Variants in SDK1 observed in about 807,000 individuals in gnomAD.
SDK1 encodes the protein sidekick cell adhesion molecule 1, also known as protein sidekick-1.
In SDK1, 157 loss-of-function variants were observed where a neutral mutation model predicts 245.5. That is an observed-to-expected ratio of 0.64 (90% CI 0.56 to 0.73). The LOEUF (loss-of-function observed/expected upper bound fraction) is 0.73, where lower values mean the gene tolerates loss of function less well. Among genes scored for constraint, SDK1 ranks in the 30% least tolerant of loss-of-function variants. SDK1 has a pLI of 0.00. For synonymous variants in SDK1, 1,647 were observed against 1,278.5 expected, an observed-to-expected ratio of 1.29 and a Z score of -6.15; for missense variants, 3,583 against 3,002.3, an observed-to-expected ratio of 1.19 and a Z score of -4.52.
chr7:3,538,465 T>A lies in SDK1; in HGVS notation c.299-80615T>A, dbSNP rs561378979. Reference sequence around the variant, plus strand: ...TCTGAGGCAAGTTCAGAAATCTGAATTTCCTTATTTACCGTGAATCAATGT... The same window carrying A: ...TCTGAGGCAAGTTCAGAAATCTGAAATTCCTTATTTACCGTGAATCAATGT... On this transcript the variant is annotated intron_variant, in intron 1 of 44. Transcript: ENST00000404826. 9.8e-5 allele frequency among the ~76,000 whole-genome samples: 15 copies of A among 152,338 alleles called. No homozygotes were observed. In the South Asian group the frequency reaches 2.7e-3, roughly 27 times the overall value.
intron 4 of SDK1, among the ~76,000 whole-genome samples, chr7:3,720,087 A>G (rs1785321689): frequency 6.6e-6 from 1 of 152,078 alleles, no homozygotes; most frequent in Admixed American, 6.6e-5. Context: ...CAAAAATAAA[A>G]TCTTATCACA....
chr7:3,438,748 C>T (rs1261706903), intron 1 of SDK1, among the ~76,000 whole-genome samples: 1 of 152,098 alleles, frequency 6.6e-6, no homozygotes, highest in African/African-American at 2.4e-5. Context: ...GAATCTTCTC[C>T]TTTCACTTCA....
chr7:4,216,404 C>A (rs1784798751), intron 38 of SDK1, among the ~76,000 whole-genome samples: 1 of 152,194 alleles, frequency 6.6e-6, no homozygotes, highest in African/African-American at 2.4e-5. Flanking sequence ...TCTGCTCCTC[C>A]CCGAGGCCCC....
intron 8 of SDK1, among the ~76,000 whole-genome samples, chr7:3,960,443 A>G (rs1374884875): frequency 6.6e-6 from 1 of 152,222 alleles, no homozygotes; most frequent in Non-Finnish European, 1.5e-5. Context: ...ATTTGTCCAT[A>G]CCTGCAACTG....
At chr7:3,361,772 C>T (rs936555989) in intron 1 of SDK1, among the ~76,000 whole-genome samples, 1 of 152,110 alleles carries the variant, frequency 6.6e-6, no homozygotes, top group Non-Finnish European at 1.5e-5. Flanking sequence ...GTTCCATGCA[C>T]AGTATTGGTG....
At chr7:3,608,819 C>T (rs1011474400) in intron 1 of SDK1, among the ~76,000 whole-genome samples, 1 of 152,224 alleles carries the variant, frequency 6.6e-6, no homozygotes, top group Non-Finnish European at 1.5e-5. Flanking sequence ...ATGAAACTGA[C>T]ACTTGTTTAG....
At chr7:3,824,882 A>C (rs1007691211) in intron 5 of SDK1, among the ~76,000 whole-genome samples, 1 of 152,130 alleles carries the variant, frequency 6.6e-6, no homozygotes, top group Non-Finnish European at 1.5e-5. Flanking sequence ...TTATCTCTCA[A>C]CATTTCTCCC....
chr7:3,623,894 T>C (rs1201857240), intron 2 of SDK1, among the ~76,000 whole-genome samples: 3 of 152,170 alleles, frequency 2.0e-5, no homozygotes, highest in Admixed American at 6.5e-5. Context: ...AATATAAAAA[T>C]AGAAATTTGA....
At chr7:4,070,523 G>C (rs1408828884) in intron 20 of SDK1, among the ~76,000 whole-genome samples, 1 of 152,108 alleles carries the variant, frequency 6.6e-6, no homozygotes, top group Non-Finnish European at 1.5e-5. Flanking sequence ...GGCACAGTGG[G>C]AGACTGTGTT....
At chr7:3,675,210 A>G (rs1783854002) in intron 4 of SDK1, among the ~76,000 whole-genome samples, 1 of 152,174 alleles carries the variant, frequency 6.6e-6, no homozygotes, top group South Asian at 2.1e-4. Flanking sequence ...TCAGGCCAAA[A>G]CCTTGATCTT....
At chr7:3,530,302 G>C (rs778594976) in intron 1 of SDK1, among the ~76,000 whole-genome samples, 4 of 152,090 alleles carry the variant, frequency 2.6e-5, no homozygotes, top group Admixed American at 1.3e-4. Flanking sequence ...ATCATCTGTG[G>C]TATCCTTCAC....
chr7:3,863,258 T>C (rs966893067), intron 5 of SDK1, among the ~76,000 whole-genome samples: 2 of 152,148 alleles, frequency 1.3e-5, no homozygotes, highest in African/African-American at 4.8e-5. Context: ...CCTGGGTTCC[T>C]TACCTCTCCC....
rs549557145 is a variant in SDK1, at chr7:3,395,680, A to C, written c.298+93796A>C. On this transcript the variant is annotated intron_variant, in intron 1 of 44. Transcript: ENST00000404826. ...CTCATTTAATTTTTGTACTTGCTGT[A>C]GATGTATTGAGATTTTCTATTCCTT... 6.6e-5 allele frequency among the ~76,000 whole-genome samples: 10 copies of C among 151,992 alleles called. 1 individual carries two copies. Among genetic ancestry groups the C allele is most frequent in the African/African-American group, 2.4e-4 (10 of 41,516 alleles).
chr7:3,971,124 A>G (rs1376012103), intron 11 of SDK1, among the ~76,000 whole-genome samples: 4 of 152,228 alleles, frequency 2.6e-5, no homozygotes, highest in African/African-American at 7.2e-5. Context: ...AGAAATGACT[A>G]GAATGATGGT....
intron 2 of SDK1, among the ~76,000 whole-genome samples, chr7:3,624,908 CGTG>C (rs756405857): frequency 2.5e-4 from 38 of 151,956 alleles, no homozygotes; most frequent in Non-Finnish European, 5.1e-4. Context: ...AGCTGGTTGT[CGTG>C]GTGCATGCCT....
intron 5 of SDK1, among the ~76,000 whole-genome samples, chr7:3,856,705 C>T (rs577546014): frequency 2.3e-4 from 35 of 151,904 alleles, no homozygotes; most frequent in Non-Finnish European, 3.7e-4. Context: ...GCAGGAGTGT[C>T]GCTTGAACAT....
chr7:3,509,995 A>C (rs1339736292), intron 1 of SDK1, among the ~76,000 whole-genome samples: 89 of 152,244 alleles, frequency 5.8e-4, no homozygotes, highest in Non-Finnish European at 5.9e-5. Flanking sequence ...GGGGCCAAGG[A>C]CTTTCCAGAG....
intron 1 of SDK1, among the ~76,000 whole-genome samples, chr7:3,415,882 C>T (rs1198312999): frequency 2.0e-5 from 3 of 151,986 alleles, no homozygotes; most frequent in African/African-American, 4.8e-5. Flanking sequence ...ATTTTGGGAA[C>T]AAGATAGGGC....
intron 4 of SDK1, among the ~76,000 whole-genome samples, chr7:3,745,767 AG>A (rs1779597716): frequency 6.6e-6 from 1 of 152,234 alleles, no homozygotes; most frequent in East Asian, 1.9e-4. Flanking sequence ...GATAAGTAGT[AG>A]TAACACTATT....
Sources: gnomAD v4.1 joint callset for allele counts (sites outside exome capture counted in the v4.1 genomes callset) on GRCh38, gnomAD v4.1.1 for gene constraint, MANE v1.5 for transcripts, NCBI Gene and HGNC (gene_info 2026-07-23, HGNC 2026-07-21) for gene names.